Variants in DNAI7 observed in about 807,000 individuals in gnomAD.
DNAI7 encodes the protein cancer susceptibility 1.
Under a neutral mutation model 86.6 loss-of-function variants are expected in DNAI7, and 78 were observed. The ratio of observed to expected loss-of-function variants is 0.90; its 90% CI spans 0.75 to 1.09. The LOEUF is 1.09. DNAI7 is among the 50% of genes least tolerant of loss of function. The pLI is 0.00. For synonymous variants in DNAI7, 274 were observed against 273.0 expected, an observed-to-expected ratio of 1.00 and a Z score of -0.04; for missense variants, 753 against 810.2, an observed-to-expected ratio of 0.93 and a Z score of 0.86.
intron 4 of DNAI7, among the ~76,000 whole-genome samples, chr12:25,157,284 A>AAAG (rs958536543): frequency 1.8e-4 from 27 of 151,762 alleles, no homozygotes; most frequent in African/African-American, 6.3e-4. Flanking sequence ...TCTCAAAAAA[A>AAAG]AAAAAAAAAA....
At chr12:25,139,075 A>C (rs1436858526) in intron 9 of DNAI7, among the ~76,000 whole-genome samples, 1 of 152,164 alleles carries the variant, frequency 6.6e-6, no homozygotes, top group Non-Finnish European at 1.5e-5. Context: ...GCTACTATGA[A>C]CACCTTTATG....
intron 6 of DNAI7, 45 bp from the exon 7 acceptor site, chr12:25,149,819 C>G: frequency 8.2e-7 from 1 of 1,220,156 alleles, no homozygotes; most frequent in Non-Finnish European, 1.2e-6. Flanking sequence ...GAGAAATAGT[C>G]AAGGACAAGT....
At chr12:25,126,687 T>C (rs985563570) in intron 9 of DNAI7, among the ~76,000 whole-genome samples, 1 of 152,254 alleles carries the variant, frequency 6.6e-6, no homozygotes, top group Non-Finnish European at 1.5e-5. Context: ...ATGAATTTGA[T>C]TGTGGAATGT....
Position 25,144,611 on chromosome 12 carries a change from A to T in DNAI7, c.756T>A (p.Ser252Arg). The part of the protein sequence containing the change: ...GFEIPRILAT[S>R]DIAVRLLHTH... ...TATGCAGGAGTCGTACAGCAATGTC[A>T]CTTGTTGCTAATATCCTTGGAATCT... The change falls in exon 9 of 16, where the codon AGT (serine) becomes AGA (arginine). Residue 252 changes from serine to arginine, a missense_variant. Ser to Arg is a moderately radical substitution (Grantham distance 110). Coordinates refer to ENST00000395987, the MANE Select transcript of DNAI7 (RefSeq NM_018272.5). The T allele has an allele frequency of 6.2e-7, 1 of 1,614,056 alleles. No homozygotes were observed. The highest frequency in any genetic ancestry group is 8.5e-7 in the Non-Finnish European group (1 of 1,179,946).
intron 6 of DNAI7, among the ~76,000 whole-genome samples, chr12:25,150,533 G>A (rs1945400847): frequency 6.6e-6 from 1 of 150,690 alleles, no homozygotes; most frequent in Non-Finnish European, 1.5e-5. Flanking sequence ...GAACCCGGGA[G>A]GCGGAGCTTG....
intron 9 of DNAI7, among the ~76,000 whole-genome samples, chr12:25,139,575 A>G (rs1466854279): frequency 1.3e-5 from 2 of 152,204 alleles, no homozygotes. Flanking sequence ...GGAAACCATC[A>G]TTCTCAGCAA....
intron 9 of DNAI7, among the ~76,000 whole-genome samples, chr12:25,140,657 A>G (rs1944070604): frequency 6.6e-6 from 1 of 152,030 alleles, no homozygotes; most frequent in East Asian, 1.9e-4. Context: ...TACAAATTCA[A>G]TGCAATTCCC....
At chr12:25,174,750 A>T (rs1948771227) in intron 2 of DNAI7, among the ~76,000 whole-genome samples, 1 of 143,432 alleles carries the variant, frequency 7.0e-6, no homozygotes, top group South Asian at 2.1e-4. Context: ...TATATATATC[A>T]TATATATATA....
At chr12:25,165,874 T>A (rs1377927056) in intron 2 of DNAI7, among the ~76,000 whole-genome samples, 1 of 152,160 alleles carries the variant, frequency 6.6e-6, no homozygotes, top group East Asian at 1.9e-4. Context: ...CACTCCTTTT[T>A]AGTTATCCCC....
Position 25,108,416 on chromosome 12 carries a change from A to G in DNAI7, c.*132T>C. 1.3e-6 allele frequency: 1 copy of G among 783,588 alleles called. No homozygotes were observed. Among genetic ancestry groups the G allele is most frequent in the Non-Finnish European group, 1.9e-6 (1 of 527,886 alleles). 48.5% of individuals were successfully genotyped at this position (783,588 alleles called of 1,614,324 possible). ...TGTTTTTAAAATAAAACTTGAGTAG[A>G]AAATGCAGATTAGAAAATTTTTAAT... On this transcript the variant is annotated 3_prime_UTR_variant, in exon 16 of 16. Coordinates refer to ENST00000395987, the MANE Select transcript of DNAI7 (RefSeq NM_018272.5).
In DNAI7 at chr12:25,158,551, A is replaced by T; in HGVS notation, c.119T>A (p.Leu40Ter). The T allele has an allele frequency of 6.2e-7, 1 of 1,612,646 alleles. No homozygotes were observed. The highest frequency in any genetic ancestry group is 8.5e-7 in the Non-Finnish European group (1 of 1,179,480). ...RRLKEEEEARLKYEKEEMERL... is the reference protein window; with the variant it reads ...RRLKEEEEAR ...TTCCATTTCTTCTTTCTCATATTTCAAACGGGCTTCCTCTAAAGAACCAAA... is the reference window on the plus strand; with the variant it reads ...TTCCATTTCTTCTTTCTCATATTTCTAACGGGCTTCCTCTAAAGAACCAAA... Residue 40 changes from leucine to a stop codon, truncating the protein, a stop_gained, in exon 4 of 16, where the codon TTG (leucine) becomes TAG (stop). Transcript: ENST00000395987. LOFTEE classifies it high-confidence loss of function.
In DNAI7 at chr12:25,146,957, G is replaced by A. The variant is rs1235950728; in HGVS notation, c.689+44C>T. 3 of 993,986 alleles carry A rather than the reference G, an allele frequency of 3.0e-6. No individual in the cohort carries two copies. In the East Asian group the frequency reaches 7.2e-5, roughly 24 times the overall value. The allele number at this position is 993,986 out of a possible 1,614,324, so 61.6% of individuals were successfully genotyped here. The stretch of plus-strand genomic sequence containing the variant: ...TCTGGCAATCATGATGTGGCTCAAT[G>A]TCTTTCTTTCCACCTACAGGGAAAG... On this transcript the variant is annotated intron_variant, in intron 8 of 15. Coordinates refer to ENST00000395987, the MANE Select transcript of DNAI7 (RefSeq NM_018272.5).
intron 8 of DNAI7, 31 bp downstream of exon 8, chr12:25,146,970 C>T (rs746074696): frequency 1.8e-6 from 2 of 1,099,488 alleles, no homozygotes; most frequent in Non-Finnish European, 2.8e-6. Flanking sequence ...TTTCTTTCCA[C>T]CTACAGGGAA....
At chr12:25,150,379 C>A (rs938971839) in intron 6 of DNAI7, among the ~76,000 whole-genome samples, 1 of 152,038 alleles carries the variant, frequency 6.6e-6, no homozygotes, top group South Asian at 2.1e-4. Context: ...CCAAGGCGGG[C>A]AGATCACGAG....
At chr12:25,130,078 C>A (rs1047452946) in intron 9 of DNAI7, among the ~76,000 whole-genome samples, 3 of 151,774 alleles carry the variant, frequency 2.0e-5, no homozygotes, top group African/African-American at 7.3e-5. Flanking sequence ...GATCTCTTAA[C>A]CCCCATGTAG....
chr12:25,187,056 T>C (rs1371278872), intron 2 of DNAI7, among the ~76,000 whole-genome samples: 1 of 152,212 alleles, frequency 6.6e-6, no homozygotes, highest in African/African-American at 2.4e-5. Flanking sequence ...AATCAGATCA[T>C]GCCACTTTTC....
intron 2 of DNAI7, among the ~76,000 whole-genome samples, chr12:25,188,591 T>G (rs544532830): frequency 6.6e-6 from 1 of 151,448 alleles, no homozygotes; most frequent in South Asian, 2.1e-4. Context: ...ATTTCTTTAC[T>G]TGAACCCGGG....
At chr12:25,108,051 A>G (rs1219893347), downstream of DNAI7, 1 of 1,613,542 alleles carries the variant, frequency 6.2e-7, no homozygotes, top group Admixed American at 1.7e-5. Flanking sequence ...ATGGGCCACC[A>G]CCAGTGTGAC....
intron 7 of DNAI7, among the ~76,000 whole-genome samples, chr12:25,148,060 G>A (rs998657061): frequency 2.0e-5 from 3 of 152,076 alleles, no homozygotes; most frequent in Admixed American, 6.6e-5. Flanking sequence ...ACTTTAAAAT[G>A]TTGAAGATTA....
Sources: allele counts gnomAD v4.1 joint callset (sites outside exome capture counted in the v4.1 genomes callset), GRCh38; gene constraint gnomAD v4.1.1; transcripts MANE v1.5; gene names NCBI Gene and HGNC (gene_info 2026-07-23, HGNC 2026-07-21).